Variants in RBFOX1 observed in about 807,000 individuals in gnomAD.
RBFOX1 encodes the protein RNA binding protein fox-1 homolog 1.
Under a neutral mutation model 57.7 loss-of-function variants are expected in RBFOX1, and 8 were observed. That is an observed-to-expected ratio of 0.14 (90% CI 0.08 to 0.25). The LOEUF is 0.25. Among genes scored for constraint, RBFOX1 ranks in the 10% least tolerant of loss-of-function variants. The pLI, the probability that RBFOX1 is intolerant of heterozygous loss-of-function variation, is 1.00. For missense variants in RBFOX1, 611 were observed against 548.5 expected (o/e 1.11, Z -1.14); for synonymous variants, 326 against 222.4 (o/e 1.47, Z -4.15).
intron 4 of RBFOX1, among the ~76,000 whole-genome samples, chr16:7,087,894 C>G (rs1007270227): frequency 2.6e-4 from 39 of 152,196 alleles, no homozygotes; most frequent in African/African-American, 7.9e-4. Context: ...CTCTCTTTCT[C>G]TTTCTCTCTC....
chr16:6,168,971 G>A (rs1036381047), intron 1 of RBFOX1, among the ~76,000 whole-genome samples: 3 of 152,094 alleles, frequency 2.0e-5, no homozygotes, highest in Admixed American at 2.0e-4. Context: ...AATTGCCGTG[G>A]GGTGCTACAG....
chr16:5,559,100 C>A (rs944546302), intron 2 of RBFOX1, among the ~76,000 whole-genome samples: 1 of 137,120 alleles, frequency 7.3e-6, no homozygotes, highest in African/African-American at 2.8e-5. Context: ...GATATGTGAT[C>A]AGTTTTTGTC....
At chr16:6,375,424 T>G (rs2091041863) in intron 2 of RBFOX1, among the ~76,000 whole-genome samples, 1 of 151,842 alleles carries the variant, frequency 6.6e-6, no homozygotes, top group Non-Finnish European at 1.5e-5. Flanking sequence ...ATTTTTTTTT[T>G]TTAACCCTCC....
At chr16:5,254,861 A>G (rs1487678599) in intron 1 of RBFOX1, among the ~76,000 whole-genome samples, 2 of 152,214 alleles carry the variant, frequency 1.3e-5, no homozygotes, top group African/African-American at 4.8e-5. Flanking sequence ...GCTGAAGGTC[A>G]TGTGTAGGTG....
In RBFOX1 at chr16:5,892,187, G is replaced by C. The variant is rs369585304; in HGVS notation, c.351+24852G>C. On this transcript the variant is annotated intron_variant, in intron 4 of 19. Transcript: ENST00000641259. ...GAAAAGAAAAAGCAGGACAGAGAGAGGGGCTGGCAGTGCTAGGTACACAGC... is the reference window on the plus strand; with the variant it reads ...GAAAAGAAAAAGCAGGACAGAGAGACGGGCTGGCAGTGCTAGGTACACAGC... Among the ~76,000 whole-genome samples the C allele has an allele frequency of 1.7e-4, 26 of 152,318 alleles. No homozygotes were observed. The East Asian group carries it at 2.5e-3, about 15-fold the overall frequency.
At chr16:6,963,900 G>T (rs1476171914) in intron 3 of RBFOX1, among the ~76,000 whole-genome samples, 3 of 151,930 alleles carry the variant, frequency 2.0e-5, no homozygotes, top group African/African-American at 7.3e-5. Context: ...GGATTTCACT[G>T]TGTTAGCCAA....
At position 7,440,602 on chromosome 16, in the gene RBFOX1, G is replaced by T. The variant is rs140075810; in HGVS notation, c.28-77545G>T. Among the ~76,000 whole-genome samples, 112 of 152,274 alleles carry T rather than the reference G, an allele frequency of 7.4e-4. 1 individual carries two copies. In the East Asian group the frequency reaches 0.017, roughly 24 times the overall value. ...TTGTGATTTTCATACTTTTAATCTG[G>T]AGAGTTGCTTAATGAATTTATTAAT... is the stretch of plus-strand genomic sequence containing the variant. On this transcript the variant is annotated intron_variant, in intron 4 of 15. Coordinates refer to ENST00000550418, the MANE Select transcript of RBFOX1 (RefSeq NM_018723.4).
chr16:6,002,168 G>C lies in RBFOX1; in HGVS notation c.351+134833G>C, dbSNP rs575116193. On this transcript the variant is annotated intron_variant, in intron 4 of 19. Transcript: ENST00000641259. ...AAGATAATTTTTTTTATAGAGACTA[G>C]GTCTTGATATGTTGCCCAGGCTGGT... is the stretch of plus-strand genomic sequence containing the variant. 9.6e-4 allele frequency among the ~76,000 whole-genome samples: 146 copies of C among 152,096 alleles called. 1 individual carries two copies. The highest frequency in any genetic ancestry group is 3.5e-3 in the African/African-American group (145 of 41,500).
chr16:6,537,614 T>C (rs1239649070), intron 2 of RBFOX1, among the ~76,000 whole-genome samples: 1 of 152,194 alleles, frequency 6.6e-6, no homozygotes, highest in African/African-American at 2.4e-5. Context: ...TCATGGACTG[T>C]TGCCCTGAAA....
chr16:5,664,189 A>G (rs908082386), intron 3 of RBFOX1, among the ~76,000 whole-genome samples: 2 of 152,184 alleles, frequency 1.3e-5, no homozygotes, highest in African/African-American at 4.8e-5. Flanking sequence ...TCTTTAAGGA[A>G]CTGCATCTCT....
chr16:5,283,903 G>A (rs908817922), intron 1 of RBFOX1, among the ~76,000 whole-genome samples: 1 of 151,952 alleles, frequency 6.6e-6, no homozygotes, highest in African/African-American at 2.4e-5. Context: ...AAAATGTGAG[G>A]ACATGAGATT....
chr16:5,576,366 T>G (rs1180615429), intron 2 of RBFOX1, among the ~76,000 whole-genome samples: 1 of 152,196 alleles, frequency 6.6e-6, no homozygotes, highest in Non-Finnish European at 1.5e-5. Context: ...CTTCAGTCCC[T>G]CCCTACTTGT....
At chr16:5,730,483 C>G (rs1199948008) in intron 3 of RBFOX1, among the ~76,000 whole-genome samples, 2 of 152,202 alleles carry the variant, frequency 1.3e-5, no homozygotes, top group Admixed American at 6.5e-5. Flanking sequence ...ATGATCCTAT[C>G]AGTGTCCAAG....
intron 2 of RBFOX1, among the ~76,000 whole-genome samples, chr16:5,597,094 A>G (rs1330357734): frequency 6.6e-6 from 1 of 152,064 alleles, no homozygotes; most frequent in Non-Finnish European, 1.5e-5. Context: ...AAATCCCAGA[A>G]CTCTGTGGGT....
intron 3 of RBFOX1, among the ~76,000 whole-genome samples, chr16:5,716,362 C>G (rs2051698317): frequency 6.6e-6 from 1 of 152,148 alleles, no homozygotes; most frequent in African/African-American, 2.4e-5. Context: ...AGGCATTAAG[C>G]CTACTAGTTA....
downstream of RBFOX1, among the ~76,000 whole-genome samples, chr16:5,605,054 C>A (rs1383551523): frequency 6.6e-6 from 1 of 152,232 alleles, no homozygotes; most frequent in African/African-American, 2.4e-5. Context: ...GCCTTCATTT[C>A]CGCTGAGCAT....
intron 2 of RBFOX1, among the ~76,000 whole-genome samples, chr16:6,340,227 C>T (rs879694065): frequency 2.0e-5 from 3 of 152,000 alleles, no homozygotes; most frequent in South Asian, 2.1e-4. Flanking sequence ...CGAAACAGGC[C>T]GTCCGACTAT....
At chr16:6,069,949 T>C (rs1469195687) in intron 1 of RBFOX1, among the ~76,000 whole-genome samples, 1 of 152,164 alleles carries the variant, frequency 6.6e-6, no homozygotes, top group African/African-American at 2.4e-5. Flanking sequence ...ATCCAACCGC[T>C]GCACTCCAGC....
chr16:7,345,589 C>T (rs1232736325), intron 4 of RBFOX1, among the ~76,000 whole-genome samples: 3 of 152,112 alleles, frequency 2.0e-5, no homozygotes, highest in Non-Finnish European at 4.4e-5. Context: ...GATGTGTTCA[C>T]CCATCATACA....
Sources: allele counts gnomAD v4.1 joint callset (sites outside exome capture counted in the v4.1 genomes callset), GRCh38; gene constraint gnomAD v4.1.1; transcripts MANE v1.5; gene names NCBI Gene and HGNC (gene_info 2026-07-23, HGNC 2026-07-21).